SLC41A2: variants seen among roughly 807,000 people sequenced by gnomAD.
SLC41A2 encodes solute carrier family 41 member 2, also known as SLC41A1-like 1.
A neutral mutation model predicts 58.3 loss-of-function variants in SLC41A2; 32 were observed. That is an observed-to-expected ratio of 0.55 (90% CI 0.41 to 0.74). The LOEUF (loss-of-function observed/expected upper bound fraction) is 0.74, where lower values mean the gene tolerates loss of function less well. Among genes scored for constraint, SLC41A2 ranks in the 30% least tolerant of loss-of-function variants. The probability of loss-of-function intolerance (pLI) is 0.00; values close to 1 mark genes in which losing one functional copy is unlikely to be tolerated. For missense variants in SLC41A2, 514 were observed against 680.6 expected (o/e 0.76, Z 2.72); for synonymous variants, 190 against 235.0 (o/e 0.81, Z 1.75).
upstream of SLC41A2, chr12:104,958,397 G>T (rs888816772): frequency 5.3e-5 from 8 of 150,340 alleles, no homozygotes; most frequent in African/African-American, 1.9e-4. Flanking sequence ...CCCGGGCCTT[G>T]GTGATGTGGC....
intron 10 of SLC41A2, among the ~76,000 whole-genome samples, chr12:104,843,129 C>T (rs2042474655): frequency 6.6e-6 from 1 of 152,030 alleles, no homozygotes; most frequent in Non-Finnish European, 1.5e-5. Context: ...AGAGGTACTT[C>T]CTTTTCCTTT....
chr12:104,900,273 C>T (rs1477356723), intron 3 of SLC41A2, among the ~76,000 whole-genome samples: 1 of 152,178 alleles, frequency 6.6e-6, no homozygotes. Context: ...AATTGTTAAT[C>T]TCTGGAGGCT....
intron 4 of SLC41A2, among the ~76,000 whole-genome samples, chr12:104,894,122 C>T (rs962288807): frequency 4.6e-5 from 7 of 151,974 alleles, no homozygotes; most frequent in Non-Finnish European, 1.0e-4. Flanking sequence ...ACACCTACTA[C>T]GTATCCACAA....
chr12:104,908,772 A>T (rs1490805372), intron 3 of SLC41A2, among the ~76,000 whole-genome samples: 2 of 152,228 alleles, frequency 1.3e-5, no homozygotes, highest in South Asian at 2.1e-4. Flanking sequence ...AGTATTTTTT[A>T]AAATGTTTAT....
intron 1 of SLC41A2, among the ~76,000 whole-genome samples, chr12:104,943,823 C>T (rs2047605881): frequency 6.6e-6 from 1 of 152,106 alleles, no homozygotes; most frequent in Non-Finnish European, 1.5e-5. Context: ...CAACTTAGCT[C>T]GCACCCAAAC....
chr12:104,811,037 A>G (rs2041150238), intron 10 of SLC41A2, among the ~76,000 whole-genome samples: 1 of 152,218 alleles, frequency 6.6e-6, no homozygotes, highest in Non-Finnish European at 1.5e-5. Context: ...GCAATCCTAC[A>G]TAGAAATAAT....
At chr12:104,944,710 C>T (rs1050782332) in intron 1 of SLC41A2, among the ~76,000 whole-genome samples, 1 of 152,122 alleles carries the variant, frequency 6.6e-6, no homozygotes, top group Non-Finnish European at 1.5e-5. Flanking sequence ...CAAAACCACC[C>T]CAAAAGCCAA....
At chr12:104,845,714 G>T in intron 9 of SLC41A2, 129 bp downstream of exon 9, 3 of 839,744 alleles carry the variant, frequency 3.6e-6, no homozygotes, top group Non-Finnish European at 5.2e-6. Flanking sequence ...CATTCACTGG[G>T]ATTAGCTCTC....
chr12:104,865,194 GTC>G (rs1182748572), intron 7 of SLC41A2, among the ~76,000 whole-genome samples: 2 of 152,146 alleles, frequency 1.3e-5, no homozygotes, highest in Non-Finnish European at 1.5e-5. Flanking sequence ...GTAAAAGGCT[GTC>G]TCTCAGCATT....
At chr12:104,830,323 G>A (rs1335524739) in intron 10 of SLC41A2, among the ~76,000 whole-genome samples, 1 of 152,162 alleles carries the variant, frequency 6.6e-6, no homozygotes, top group East Asian at 1.9e-4. Flanking sequence ...CACAGTATTT[G>A]CATATAACCT....
intron 10 of SLC41A2, among the ~76,000 whole-genome samples, chr12:104,836,730 CTATT>C (rs967934883): frequency 2.0e-5 from 3 of 152,060 alleles, no homozygotes; most frequent in African/African-American, 7.2e-5. Context: ...TTAAAATTAG[CTATT>C]TAGACTTGGA....
At chr12:104,906,991 T>C (rs1197858864) in intron 3 of SLC41A2, among the ~76,000 whole-genome samples, 1 of 152,198 alleles carries the variant, frequency 6.6e-6, no homozygotes, top group Non-Finnish European at 1.5e-5. Context: ...ATTATCCTGT[T>C]TGATTTTCTT....
At chr12:104,860,828 G>A (rs953947610) in intron 8 of SLC41A2, among the ~76,000 whole-genome samples, 9 of 151,932 alleles carry the variant, frequency 5.9e-5, no homozygotes, top group Non-Finnish European at 1.0e-4. Flanking sequence ...TCCTACCTAG[G>A]CCTCCCAAAG....
chr12:104,852,622 TA>T (rs1204112475), intron 8 of SLC41A2, among the ~76,000 whole-genome samples: 4 of 152,148 alleles, frequency 2.6e-5, no homozygotes, highest in Non-Finnish European at 5.9e-5. Context: ...AACACAGACA[TA>T]ACTGATGTTA....
At position 104,871,029 on chromosome 12, in the gene SLC41A2, T is replaced by C. The variant is rs577900512; in HGVS notation, c.1028-4450A>G. ...CCACCACATTAAGGCAGAGATATTC[T>C]AGAATGGTCTGTAAATAACCAGGTG... is the stretch of plus-strand genomic sequence containing the variant. On this transcript the variant is annotated intron_variant, in intron 6 of 10. Coordinates refer to ENST00000258538, the MANE Select transcript of SLC41A2 (RefSeq NM_001352171.3). Among the ~76,000 whole-genome samples the C allele has an allele frequency of 3.3e-5, 5 of 152,302 alleles. No individual in the cohort carries two copies. In the South Asian group the frequency reaches 1.0e-3, roughly 32 times the overall value.
intron 6 of SLC41A2, among the ~76,000 whole-genome samples, chr12:104,872,721 A>C (rs1352206074): frequency 6.6e-6 from 1 of 152,172 alleles, no homozygotes; most frequent in Non-Finnish European, 1.5e-5. Context: ...CAGTCGAGCA[A>C]GACTCTGTCT....
intron 3 of SLC41A2, among the ~76,000 whole-genome samples, chr12:104,909,026 A>G (rs1360778143): frequency 6.6e-6 from 1 of 152,176 alleles, no homozygotes; most frequent in African/African-American, 2.4e-5. Context: ...TACATATTCA[A>G]TAACGACACA....
intron 10 of SLC41A2, among the ~76,000 whole-genome samples, chr12:104,835,312 G>A (rs1344606216): frequency 6.6e-6 from 1 of 151,982 alleles, no homozygotes; most frequent in Non-Finnish European, 1.5e-5. Context: ...TGTTGGGAGT[G>A]GAAAATAGTT....
intron 1 of SLC41A2, among the ~76,000 whole-genome samples, chr12:104,941,200 C>T (rs984779316): frequency 2.6e-5 from 4 of 152,176 alleles, no homozygotes; most frequent in South Asian, 2.1e-4. Flanking sequence ...GAGCTTGAGA[C>T]ATCACAGACA....
Sources: allele counts gnomAD v4.1 joint callset (sites outside exome capture counted in the v4.1 genomes callset), GRCh38; gene constraint gnomAD v4.1.1; transcripts MANE v1.5; gene names NCBI Gene and HGNC (gene_info 2026-07-23, HGNC 2026-07-21).